Variants in DOCK8 observed in about 807,000 individuals in gnomAD.
DOCK8 encodes dedicator of cytokinesis protein 8.
A neutral mutation model predicts 245.6 loss-of-function variants in DOCK8; 141 were observed. The ratio of observed to expected loss-of-function variants is 0.57; its 90% CI spans 0.50 to 0.66. The LOEUF (loss-of-function observed/expected upper bound fraction) is 0.66, where lower values mean the gene tolerates loss of function less well. DOCK8 is among the 30% of genes least tolerant of loss of function. The pLI, the probability that DOCK8 is intolerant of heterozygous loss-of-function variation, is 0.00. For missense variants in DOCK8, 2,965 were observed against 2,603.4 expected (o/e 1.14, Z -3.02); for synonymous variants, 1,168 against 970.2 (o/e 1.20, Z -3.79).
chr9:289,404 C>A, intron 3 of DOCK8, 106 bp from the exon 4 acceptor site: 1 of 875,796 alleles, frequency 1.1e-6, no homozygotes, highest in Non-Finnish European at 1.9e-6. Context: ...TAAGCATTCT[C>A]ACTGATAAGG....
chr9:287,909 T>A lies in DOCK8; in HGVS notation c.332+1273T>A, dbSNP rs1257608857. ...CTTACAGTAGCCAGTCACCGCAGCT[T>A]GTTCCTGTGGTCCCAGCTACTTGGG... is the stretch of plus-strand genomic sequence containing the variant. On this transcript the variant is annotated intron_variant, in intron 3 of 47. Transcript: ENST00000432829. Among the ~76,000 whole-genome samples, 3 of 152,148 alleles carry A rather than the reference T, an allele frequency of 2.0e-5. No homozygotes were observed. The East Asian group carries it at 5.8e-4, about 29-fold the overall frequency.
chr9:406,642 C>G (rs886893182), intron 27 of DOCK8, among the ~76,000 whole-genome samples: 1 of 152,040 alleles, frequency 6.6e-6, no homozygotes, highest in Non-Finnish European at 1.5e-5. Flanking sequence ...TTTTTATCTT[C>G]AGCTTTTGAT....
chr9:214,558 C>G, upstream of DOCK8: 1 of 1,613,976 alleles, frequency 6.2e-7, no homozygotes, highest in Non-Finnish European at 8.5e-7. Context: ...GTGGGGCTCC[C>G]CCGACTTGCC....
rs142187427 is a variant in DOCK8, at chr9:448,148, A to C, written c.5817+1542A>C. Among the ~76,000 whole-genome samples, 224 of 151,692 alleles carry C rather than the reference A, an allele frequency of 1.5e-3. 1 individual carries two copies. Among genetic ancestry groups the C allele is most frequent in the Middle Eastern group, 3.4e-3 (1 of 292 alleles). ...ATCTTCCTCTGTTGCCCTAGAGTGC[A>C]GTGGCATGAACATGGCTCACTGCAG... On this transcript the variant is annotated intron_variant, in intron 44 of 47. Coordinates refer to ENST00000432829, the MANE Select transcript of DOCK8 (RefSeq NM_203447.4).
intron 26 of DOCK8, among the ~76,000 whole-genome samples, chr9:404,532 C>T (rs143498963): frequency 1.7e-3 from 266 of 152,270 alleles, no homozygotes; most frequent in African/African-American, 5.9e-3. Context: ...TAGTTTCATA[C>T]AGGCTCATAT....
rs764066199 is a variant in DOCK8, at chr9:426,910, G to C, written c.4267G>C (p.Ala1423Pro). 3.7e-6 allele frequency: 6 copies of C among 1,614,076 alleles called. No individual in the cohort carries two copies. The Admixed American group carries it at 6.7e-5, about 18-fold the overall frequency. The change falls in exon 34 of 48, where the codon GCC (alanine) becomes CCC (proline). Residue 1423 changes from alanine to proline, a missense_variant. Transcript: ENST00000432829. ...AACAAAGGCCGAGTTAGATCAAGAA[G>C]CCTTGATCAGTGGCAATCTGGCTAC... ...DKTKAELDQE[A>P]LISGNLATEA...
In DOCK8 at chr9:449,773, C is replaced by G. The variant is rs2131866235; in HGVS notation, c.5818-11C>G. The G allele has an allele frequency of 1.2e-6, 2 of 1,612,426 alleles. No homozygotes were observed. Among genetic ancestry groups the G allele is most frequent in the East Asian group, 4.5e-5 (2 of 44,896 alleles). On this transcript the variant is annotated splice_polypyrimidine_tract_variant and intron_variant, in intron 44 of 47. Transcript: ENST00000432829. Reference sequence around the variant, plus strand: ...GACAGTGACTTCCCTATGTTTACGTCTCATGTTCAGTTTGTTTTGACACCG... The same window carrying G: ...GACAGTGACTTCCCTATGTTTACGTGTCATGTTCAGTTTGTTTTGACACCG...
At chr9:215,688 A>G in intron 1 of DOCK8, 1 of 350,972 alleles carries the variant, frequency 2.8e-6, no homozygotes, top group Non-Finnish European at 5.3e-6. Flanking sequence ...GAACTCCAGC[A>G]AAAAGCTAAG....
At chr9:265,120 C>T (rs1164292879) in intron 1 of DOCK8, among the ~76,000 whole-genome samples, 1 of 152,098 alleles carries the variant, frequency 6.6e-6, no homozygotes, top group Non-Finnish European at 1.5e-5. Flanking sequence ...TTAGTAGAGA[C>T]GGGGTCTCAC....
intron 2 of DOCK8, among the ~76,000 whole-genome samples, chr9:274,007 C>T (rs985768838): frequency 5.9e-5 from 9 of 152,224 alleles, no homozygotes; most frequent in South Asian, 2.1e-4. Flanking sequence ...TGCCCGGCCA[C>T]CAGCTTTTAC....
At chr9:370,331 C>T (rs2131204452) in intron 16 of DOCK8, 31 bp downstream of exon 16, 1 of 1,593,194 alleles carries the variant, frequency 6.3e-7, no homozygotes, top group Non-Finnish European at 8.6e-7. Flanking sequence ...TAAATATATG[C>T]CAAGATGGTT....
At chr9:405,739 T>C (rs552649985) in intron 27 of DOCK8, among the ~76,000 whole-genome samples, 33 of 152,334 alleles carry the variant, frequency 2.2e-4, no homozygotes, top group African/African-American at 7.7e-4. Context: ...TATTCCTTGA[T>C]ACTAGTACAA....
rs959984587 is a variant in DOCK8 at position 383,712 on chromosome 9, A to G, written c.2778+1027A>G. ...TGAGACTCCGTCTCAAAAAAAAAAA[A>G]AAAAAAAAAAAAATCCCAAGGAGCA... is the stretch of plus-strand genomic sequence containing the variant. On this transcript the variant is annotated intron_variant, in intron 22 of 47. Coordinates refer to ENST00000432829, the MANE Select transcript of DOCK8 (RefSeq NM_203447.4). Among the ~76,000 whole-genome samples, 516 of 151,754 alleles carry G rather than the reference A, an allele frequency of 3.4e-3. 4 individuals are homozygous for G. Among genetic ancestry groups the G allele is most frequent in the African/African-American group, 0.011 (471 of 41,386 alleles).
Position 395,567 on chromosome 9 carries a change from T to TAGTAG in DOCK8, c.2971-1218_2971-1217insAGTAG, listed in dbSNP as rs1296724806. On this transcript the variant is annotated intron_variant, in intron 24 of 47. Transcript: ENST00000432829. Reference sequence around the variant, plus strand: ...AGTAGTAGTAGTAGTAGTAGTAGTATTGCAGTGGCTGTCTGACTAATCTAG... The same window carrying TAGTAG: ...AGTAGTAGTAGTAGTAGTAGTAGTATAGTAGTGCAGTGGCTGTCTGACTAATCTAG... Among the ~76,000 whole-genome samples the TAGTAG allele has an allele frequency of 7.8e-5, 9 of 115,628 alleles. No homozygotes were observed. In the East Asian group the frequency reaches 2.6e-3, roughly 34 times the overall value. The allele number at this position is 115,628 out of a possible 152,430, so 75.9% of individuals were successfully genotyped here. A position where few individuals can be genotyped will look rare whatever the true frequency, so the allele number is the denominator to read the frequency against.
Position 441,879 on chromosome 9 carries a change from A to G in DOCK8, c.5360A>G (p.His1787Arg). 5 of 1,614,198 alleles carry G rather than the reference A, an allele frequency of 3.1e-6. No individual in the cohort carries two copies. Among genetic ancestry groups the G allele is most frequent in the Non-Finnish European group, 4.2e-6 (5 of 1,180,034 alleles). ...TTTTTATATTTTGTTCCTCAGGATCATAAGAGAATGTTTGGAACCTACTTC... is the reference window on the plus strand; with the variant it reads ...TTTTTATATTTTGTTCCTCAGGATCGTAAGAGAATGTTTGGAACCTACTTC... The part of the protein sequence containing the change: ...RAFDSIVNKD[H>R]KRMFGTYFRV... Residue 1787 changes from histidine (H) to arginine (R), a missense_variant, in exon 42 of 48, where the codon CAT (histidine) becomes CGT (arginine). By Grantham distance (29) the His-to-Arg change is conservative. Transcript: ENST00000432829.
chr9:362,272 A>C (rs1280553759), intron 14 of DOCK8, among the ~76,000 whole-genome samples: 1 of 151,946 alleles, frequency 6.6e-6, no homozygotes, highest in Non-Finnish European at 1.5e-5. Flanking sequence ...TTGCACCTCC[A>C]CTCTTCTTAA....
intron 2 of DOCK8, among the ~76,000 whole-genome samples, chr9:276,000 C>G (rs1315219392): frequency 6.6e-6 from 1 of 152,118 alleles, no homozygotes; most frequent in Admixed American, 6.6e-5. Flanking sequence ...AAGTGATTCT[C>G]CTGACTTAGC....
intron 39 of DOCK8, among the ~76,000 whole-genome samples, chr9:438,104 A>G (rs1024003554): frequency 2.0e-5 from 3 of 152,188 alleles, no homozygotes; most frequent in Non-Finnish European, 2.9e-5. Flanking sequence ...TATATTCCTA[A>G]AACTACGTTA....
intron 1 of DOCK8, among the ~76,000 whole-genome samples, chr9:216,846 A>G (rs963842505): frequency 1.3e-5 from 2 of 152,122 alleles, no homozygotes; most frequent in Non-Finnish European, 2.9e-5. Flanking sequence ...GCAGTCTTGC[A>G]AGCAACTGCG....
Sources: allele counts gnomAD v4.1 joint callset (sites outside exome capture counted in the v4.1 genomes callset), GRCh38; gene constraint gnomAD v4.1.1; transcripts MANE v1.5; gene names NCBI Gene and HGNC (gene_info 2026-07-23, HGNC 2026-07-21).